JMY: variants seen among roughly 807,000 people sequenced by gnomAD.
JMY encodes junction-mediating and -regulatory protein.
In JMY, 46 loss-of-function variants were observed where a neutral mutation model predicts 103.3. The observed-to-expected ratio is 0.45, with a 90% CI of 0.35 to 0.57. The LOEUF (loss-of-function observed/expected upper bound fraction) is 0.57, where lower values mean the gene tolerates loss of function less well. JMY is among the 20% of genes least tolerant of loss of function. JMY has a pLI of 0.00. For missense variants in JMY, 1,238 were observed against 1,255.2 expected (o/e 0.99, Z 0.21); for synonymous variants, 526 against 489.3 (o/e 1.07, Z -0.99).
Position 79,290,111 on chromosome 5 carries a change from C to T in JMY, c.1207-10C>T, listed in dbSNP as rs1396499147. On this transcript the variant is annotated splice_polypyrimidine_tract_variant and intron_variant, in intron 2 of 10. Coordinates refer to ENST00000396137, the MANE Select transcript of JMY (RefSeq NM_152405.5). The stretch of plus-strand genomic sequence containing the variant: ...TTGAACTTCTTAATTTTTTCTTTTT[C>T]TCTCTGAAGATTTCCATGGAGAATG... The T allele has an allele frequency of 6.4e-7, 1 of 1,553,666 alleles. No homozygotes were observed.
chr5:79,318,234 C>T (rs772140714), intron 10 of JMY, among the ~76,000 whole-genome samples: 3 of 150,094 alleles, frequency 2.0e-5, no homozygotes, highest in Non-Finnish European at 4.4e-5. Flanking sequence ...AGGCTGGTCT[C>T]GAACTCCTGA....
At chr5:79,272,972 A>AT (rs1416257977) in intron 1 of JMY, among the ~76,000 whole-genome samples, 6 of 152,190 alleles carry the variant, frequency 3.9e-5, no homozygotes, top group Non-Finnish European at 8.8e-5. Flanking sequence ...GTCTGTATAG[A>AT]TTCATCTCTA....
intron 7 of JMY, among the ~76,000 whole-genome samples, chr5:79,306,695 C>G (rs1746894478): frequency 6.6e-6 from 1 of 152,146 alleles, no homozygotes; most frequent in South Asian, 2.1e-4. Context: ...TGTCCCCACA[C>G]TTGATAGCCT....
chr5:79,278,927 A>C (rs1335594461), intron 2 of JMY, among the ~76,000 whole-genome samples: 1 of 151,652 alleles, frequency 6.6e-6, no homozygotes, highest in Non-Finnish European at 1.5e-5. Context: ...CACCATGCCC[A>C]GCCAGTTTTG....
intron 1 of JMY, among the ~76,000 whole-genome samples, chr5:79,240,870 AG>A (rs1339248802): frequency 6.6e-6 from 1 of 152,222 alleles, no homozygotes; most frequent in Non-Finnish European, 1.5e-5. Flanking sequence ...ACATTTTTAT[AG>A]AAGTTGTGCC....
chr5:79,321,222 A>G lies in JMY; in HGVS notation c.*4-384A>G, dbSNP rs139540021. On this transcript the variant is annotated intron_variant, in intron 10 of 10. Coordinates refer to ENST00000396137, the MANE Select transcript of JMY (RefSeq NM_152405.5). Reference sequence around the variant, plus strand: ...TTTCAATAAAATGCCCGGGTGAAGTATCCATTTAAAGATTGGTATTAATCC... The same window carrying G: ...TTTCAATAAAATGCCCGGGTGAAGTGTCCATTTAAAGATTGGTATTAATCC... 6.6e-5 allele frequency among the ~76,000 whole-genome samples: 10 copies of G among 152,348 alleles called. No individual in the cohort carries two copies. In the East Asian group the frequency reaches 1.5e-3, roughly 24 times the overall value.
chr5:79,301,998 G>A (rs958858868), intron 6 of JMY, among the ~76,000 whole-genome samples: 21 of 149,256 alleles, frequency 1.4e-4, no homozygotes, highest in Admixed American at 1.2e-3. Context: ...CAGGAGAATC[G>A]CTTGAACCCA....
chr5:79,311,827 G>GT (rs1044250417), intron 7 of JMY, among the ~76,000 whole-genome samples: 23 of 152,158 alleles, frequency 1.5e-4, no homozygotes, highest in African/African-American at 4.3e-4. Flanking sequence ...TTGTTCGTTT[G>GT]TTTTTTTGAG....
At chr5:79,243,316 A>G (rs1300241520) in intron 1 of JMY, among the ~76,000 whole-genome samples, 2 of 152,190 alleles carry the variant, frequency 1.3e-5, no homozygotes, top group African/African-American at 4.8e-5. Context: ...CTGAAACCCC[A>G]ACTATATACA....
At chr5:79,288,791 A>G (rs1348805545) in intron 2 of JMY, among the ~76,000 whole-genome samples, 2 of 151,342 alleles carry the variant, frequency 1.3e-5, no homozygotes, top group Non-Finnish European at 2.9e-5. Context: ...TGGTCTCCCA[A>G]CTCCTGGTCA....
At chr5:79,304,076 A>T (rs190293502) in intron 6 of JMY, among the ~76,000 whole-genome samples, 1 of 152,218 alleles carries the variant, frequency 6.6e-6, no homozygotes, top group East Asian at 1.9e-4. Flanking sequence ...ATAGCAATTT[A>T]ATCAGTATTC....
intron 1 of JMY, among the ~76,000 whole-genome samples, chr5:79,272,875 A>G (rs1745825630): frequency 6.6e-6 from 1 of 152,148 alleles, no homozygotes; most frequent in African/African-American, 2.4e-5. Flanking sequence ...ACCTCAAGTG[A>G]TCCACCTGCC....
rs201321415 is a variant in JMY at position 79,314,609 on chromosome 5, C to T, written c.2417C>T (p.Pro806Leu). ...CSVTINPLPS[P>L]LPPTPPPPPP... ...GTTACCATAAATCCACTCCCATCCC[C>T]TCTTCCTCCAACACCACCACCTCCC... Residue 806 changes from proline (P) to leucine (L), a missense_variant, in exon 9 of 11, where the codon CCT becomes CTT. Physicochemically the swap from Pro to Leu is moderately conservative, Grantham distance 98. Coordinates refer to ENST00000396137, the MANE Select transcript of JMY (RefSeq NM_152405.5). The T allele has an allele frequency of 2.2e-5, 36 of 1,613,296 alleles. No homozygotes were observed. The highest frequency in any genetic ancestry group is 1.3e-4 in the South Asian group (12 of 90,972).
At chr5:79,272,716 C>T (rs1209968432) in intron 1 of JMY, among the ~76,000 whole-genome samples, 1 of 152,202 alleles carries the variant, frequency 6.6e-6, no homozygotes, top group African/African-American at 2.4e-5. Flanking sequence ...TCACTGCAGC[C>T]TCAAACTCGT....
At chr5:79,256,120 G>C (rs1451047306) in intron 1 of JMY, among the ~76,000 whole-genome samples, 1 of 152,228 alleles carries the variant, frequency 6.6e-6, no homozygotes, top group African/African-American at 2.4e-5. Context: ...TTGTATGGCA[G>C]CTGAGCTGGC....
rs570549189 is a variant in JMY, at chr5:79,250,686, C to G, written c.1032+13004C>G. On this transcript the variant is annotated intron_variant, in intron 1 of 10. Transcript: ENST00000396137. ...TTTTTTTTGGCATATGAAGTAAGAG[C>G]TATCCAGGTGCTTTTAACAGCCTCT... 1.8e-4 allele frequency among the ~76,000 whole-genome samples: 24 copies of G among 135,274 alleles called. 1 individual carries two copies. The highest frequency in any genetic ancestry group is 1.5e-3 in the East Asian group (7 of 4,762). The allele number at this position is 135,274 out of a possible 152,430, so 88.7% of individuals were successfully genotyped here.
At chr5:79,262,374 C>G (rs886132236) in intron 1 of JMY, among the ~76,000 whole-genome samples, 5 of 152,038 alleles carry the variant, frequency 3.3e-5, no homozygotes, top group African/African-American at 1.2e-4. Context: ...CTGCAAATGC[C>G]CATAGCTCAG....
rs1180097891 is a variant in JMY, at chr5:79,314,405, G to T, written c.2213G>T (p.Gly738Val). 6.2e-7 allele frequency: 1 copy of T among 1,614,146 alleles called. No homozygotes were observed. The highest frequency in any genetic ancestry group is 1.1e-5 in the South Asian group (1 of 91,078). Residue 738 changes from glycine (G) to valine (V), a missense_variant, in exon 9 of 11, where the codon GGA becomes GTA. By Grantham distance (109) the Gly-to-Val change is moderately radical (BLOSUM62 -3). Transcript: ENST00000396137. Reference sequence around the variant, plus strand: ...GTAGAAGAGAAAACTGAAGAGGTGGGAGAAGGAAGAGTCAAGCGTGGGCCA... The same window carrying T: ...GTAGAAGAGAAAACTGAAGAGGTGGTAGAAGGAAGAGTCAAGCGTGGGCCA... The part of the protein sequence containing the change: ...LQVEEKTEEV[G>V]EGRVKRGPSQ...
chr5:79,297,381 T>C (rs1870057), intron 4 of JMY, among the ~76,000 whole-genome samples: 75,336 of 151,962 alleles, frequency 0.5, 19,069 homozygotes, highest in Non-Finnish European at 0.57. Context: ...CCTGCACTGC[T>C]CCATTATCTG....
Sources: gnomAD v4.1 joint callset for allele counts (sites outside exome capture counted in the v4.1 genomes callset) on GRCh38, gnomAD v4.1.1 for gene constraint, MANE v1.5 for transcripts, NCBI Gene and HGNC (gene_info 2026-07-23, HGNC 2026-07-21) for gene names.